The following ANKRD13D variants were observed in gnomAD, a reference collection of about 807,000 sequenced individuals.
The protein encoded by ANKRD13D is ankyrin repeat domain-containing protein 13D.
ANKRD13D carries 24 observed loss-of-function variants against 68.8 expected under a neutral mutation model. That is an observed-to-expected ratio of 0.35 (90% CI 0.25 to 0.49). The LOEUF (loss-of-function observed/expected upper bound fraction) is 0.49. Ranked by LOEUF, ANKRD13D falls within the 20% of genes least tolerant of loss-of-function variation. The pLI is 0.99. For synonymous variants in ANKRD13D, 331 were observed against 336.1 expected, an observed-to-expected ratio of 0.98 and a Z score of 0.16; for missense variants, 735 against 832.1, an observed-to-expected ratio of 0.88 and a Z score of 1.44.
At chr11:67,293,526 G>A (rs1298299921) in intron 6 of ANKRD13D, among the ~76,000 whole-genome samples, 4 of 152,092 alleles carry the variant, frequency 2.6e-5, no homozygotes, top group African/African-American at 4.8e-5. Flanking sequence ...ATTTTGAGAT[G>A]GGGTCTGGCC....
chr11:67,301,419 G>C lies in ANKRD13D; in HGVS notation c.1348+21G>C, dbSNP rs759389256. The C allele has an allele frequency of 6.2e-7, 1 of 1,608,802 alleles. No individual in the cohort carries two copies. The highest frequency in any genetic ancestry group is 1.7e-5 in the Admixed American group (1 of 59,462). ...ATCAGGTACCCCAACGGGAGGAAGAGGGAGCCTGCACAGCTTTCTGGTCAC... is the reference window on the plus strand; with the variant it reads ...ATCAGGTACCCCAACGGGAGGAAGACGGAGCCTGCACAGCTTTCTGGTCAC... On this transcript the variant is annotated intron_variant, in intron 12 of 14. Coordinates refer to ENST00000511455, the MANE Select transcript of ANKRD13D (RefSeq NM_207354.3). This position sits in a 1 kb window ranked among gnomAD's most constrained non-coding sequence, Gnocchi z 4.5.
intron 6 of ANKRD13D, among the ~76,000 whole-genome samples, chr11:67,294,914 T>C (rs1590868378): frequency 6.6e-6 from 1 of 152,390 alleles, no homozygotes; most frequent in South Asian, 2.1e-4. Flanking sequence ...TTGATTTCTG[T>C]ATGTTGACCA....
chr11:67,291,274 C>G, intron 3 of ANKRD13D: 1 of 586,598 alleles, frequency 1.7e-6, no homozygotes, highest in Non-Finnish European at 2.9e-6. Flanking sequence ...GAAGAATCAC[C>G]TGAGCCCAGG....
rs373530432 is a variant in ANKRD13D, at chr11:67,291,436, A to G, written c.352-40A>G. 4.4e-6 allele frequency: 7 copies of G among 1,606,162 alleles called. No individual in the cohort carries two copies. The South Asian group carries it at 4.4e-5, about 10-fold the overall frequency. ...GGCTCCCAGGCCTGCTGGAGCCAGCAGCAGGCAGGGCGCTGACAAGCAGCT... is the reference window on the plus strand; with the variant it reads ...GGCTCCCAGGCCTGCTGGAGCCAGCGGCAGGCAGGGCGCTGACAAGCAGCT... On this transcript the variant is annotated intron_variant, in intron 3 of 14. Coordinates refer to ENST00000511455, the MANE Select transcript of ANKRD13D (RefSeq NM_207354.3).
chr11:67,302,374 C>G lies in ANKRD13D; in HGVS notation c.*42C>G, dbSNP rs557316920. On this transcript the variant is annotated 3_prime_UTR_variant, in exon 15 of 15. Transcript: ENST00000511455. ...GGCTGGCCAGGCCACTCCCTGCCCG[C>G]TTTTGTAATTTATTTATTTATAAAC... 3.5e-6 allele frequency: 5 copies of G among 1,447,896 alleles called. No homozygotes were observed. The South Asian group carries it at 5.8e-5, about 17-fold the overall frequency. The allele number at this position is 1,447,896 out of a possible 1,614,324, so 89.7% of individuals were successfully genotyped here.
At chr11:67,298,843 T>C in intron 6 of ANKRD13D, 1 of 586,620 alleles carries the variant, frequency 1.7e-6, no homozygotes, top group Non-Finnish European at 3.1e-6. Context: ...ACAAGATTCA[T>C]GCTAATTCCT....
intron 6 of ANKRD13D, among the ~76,000 whole-genome samples, chr11:67,293,634 G>C (rs529296943): frequency 1.3e-5 from 2 of 152,152 alleles, no homozygotes. Flanking sequence ...ACAGGTGCAT[G>C]CTGCCATGCC....
At chr11:67,289,903 C>G in intron 1 of ANKRD13D, 175 bp from the exon 2 acceptor site, 4 of 1,438,004 alleles carry the variant, frequency 2.8e-6, no homozygotes, top group Non-Finnish European at 3.6e-6. Flanking sequence ...CTGCCCCTGC[C>G]TTCCCTCCTG....
At position 67,300,239 on chromosome 11, in the gene ANKRD13D, A is replaced by C; in HGVS notation, c.1073+116A>C. Reference sequence around the variant, plus strand: ...CTCGGCTGGCTTCTCTCTGGACTCCACTCCTGGAGGGCAGGAGTCATGTCT... The same window carrying C: ...CTCGGCTGGCTTCTCTCTGGACTCCCCTCCTGGAGGGCAGGAGTCATGTCT... On this transcript the variant is annotated intron_variant, in intron 10 of 14. Transcript: ENST00000511455. The surrounding 1 kb of genome is among the most constrained non-coding windows in gnomAD (Gnocchi z 4.3). The C allele has an allele frequency of 7.0e-7, 1 of 1,433,274 alleles. No homozygotes were observed. The highest frequency in any genetic ancestry group is 9.5e-7 in the Non-Finnish European group (1 of 1,054,898). 88.8% of individuals were successfully genotyped at this position (1,433,274 alleles called of 1,614,324 possible). A position where few individuals can be genotyped will look rare whatever the true frequency, so the allele number is the denominator to read the frequency against.
chr11:67,302,200 A>G lies in ANKRD13D; in HGVS notation c.1686A>G (p.Pro562=), dbSNP rs1343987383. 3.1e-6 allele frequency: 5 copies of G among 1,590,882 alleles called. No homozygotes were observed. In the East Asian group the frequency reaches 1.1e-4, roughly 36 times the overall value. ...CCAGGACACCCCCAGCCCCCGGTCCACCCAGCTTTGAAGAGCAGCTGCGCC... is the reference window on the plus strand; with the variant it reads ...CCAGGACACCCCCAGCCCCCGGTCCGCCCAGCTTTGAAGAGCAGCTGCGCC... ...SPPRTPPAPG[P]PSFEEQLRLA... is the part of the protein sequence containing the mutation. Residue 562 remains proline (P), a synonymous_variant, in exon 15 of 15, where the codon CCA becomes CCG. Transcript: ENST00000511455.
chr11:67,294,579 T>TC (rs1402615575), intron 6 of ANKRD13D, among the ~76,000 whole-genome samples: 1 of 151,738 alleles, frequency 6.6e-6, no homozygotes, highest in African/African-American at 2.4e-5. Context: ...CTCACTCTAT[T>TC]GCCCAGGCTG....
chr11:67,301,262 G>C lies in ANKRD13D; in HGVS notation c.1232-20G>C, dbSNP rs1322287409. ...CAGGTGGCTCTCCGCCAGGGCTCAG[G>C]CGTGGCTGTCTTCTCACAGAGATTC... is the stretch of plus-strand genomic sequence containing the variant. On this transcript the variant is annotated intron_variant, in intron 11 of 14. Coordinates refer to ENST00000511455, the MANE Select transcript of ANKRD13D (RefSeq NM_207354.3). This position sits in a 1 kb window ranked among gnomAD's most constrained non-coding sequence, Gnocchi z 4.5. 1.2e-6 allele frequency: 2 copies of C among 1,604,940 alleles called. No individual in the cohort carries two copies. The highest frequency in any genetic ancestry group is 1.1e-5 in the South Asian group (1 of 89,436).
At position 67,300,179 on chromosome 11, in the gene ANKRD13D, C is replaced by T; in HGVS notation, c.1073+56C>T. On this transcript the variant is annotated intron_variant, in intron 10 of 14. Coordinates refer to ENST00000511455, the MANE Select transcript of ANKRD13D (RefSeq NM_207354.3). The surrounding 1 kb of genome is among the most constrained non-coding windows in gnomAD (Gnocchi z 4.3). ...CTCGGGACAAGGGCTCTTGCAGACC[C>T]CTCTCTGGGCCTGTCATAGTTAGGG... 3.7e-6 allele frequency: 6 copies of T among 1,603,488 alleles called. No homozygotes were observed. Among genetic ancestry groups the T allele is most frequent in the Non-Finnish European group, 5.1e-6 (6 of 1,173,980 alleles).
In ANKRD13D at chr11:67,299,516, C is replaced by A; in HGVS notation, c.799-14C>A. ...GCTCTGAGCCCCCAGCTCCCCGTGT[C>A]CCCTGCTCCCCAGGTGTACAGTGCC... On this transcript the variant is annotated splice_polypyrimidine_tract_variant and intron_variant, in intron 7 of 14. Coordinates refer to ENST00000511455, the MANE Select transcript of ANKRD13D (RefSeq NM_207354.3). This position sits in a 1 kb window ranked among gnomAD's most constrained non-coding sequence, Gnocchi z 6.2. The A allele has an allele frequency of 6.5e-7, 1 of 1,549,268 alleles. No homozygotes were observed. Among genetic ancestry groups the A allele is most frequent in the Non-Finnish European group, 8.7e-7 (1 of 1,145,882 alleles).
chr11:67,291,421 C>T, intron 3 of ANKRD13D, 55 bp from the exon 4 acceptor site: 2 of 1,597,228 alleles, frequency 1.3e-6, no homozygotes, highest in Non-Finnish European at 8.6e-7. Flanking sequence ...GGCTCCCAGG[C>T]CTGCTGGAGC....
Position 67,302,419 on chromosome 11 carries a change from G to GGCCTGGA in ANKRD13D, c.*91_*97dup. Reference sequence around the variant, plus strand: ...ATAAACTCTCTGCTGCTGAGCTTGGGGCCTGGAGCCCCAGGAATGAGCAGG... The same window carrying GGCCTGGA: ...ATAAACTCTCTGCTGCTGAGCTTGGGGCCTGGAGCCTGGAGCCCCAGGAATGAGCAGG... On this transcript the variant is annotated 3_prime_UTR_variant, in exon 15 of 15. Coordinates refer to ENST00000511455, the MANE Select transcript of ANKRD13D (RefSeq NM_207354.3). 7.0e-7 allele frequency: 1 copy of GGCCTGGA among 1,429,850 alleles called. No individual in the cohort carries two copies. Among genetic ancestry groups the GGCCTGGA allele is most frequent in the Admixed American group, 2.9e-5 (1 of 34,902 alleles). The allele number at this position is 1,429,850 out of a possible 1,614,324, so 88.6% of individuals were successfully genotyped here. A position where few individuals can be genotyped will look rare whatever the true frequency, so the allele number is the denominator to read the frequency against.
At chr11:67,302,015 C>T (rs1410955421) in intron 14 of ANKRD13D, 104 bp from the exon 15 acceptor site, 2 of 1,407,406 alleles carry the variant, frequency 1.4e-6, no homozygotes, top group East Asian at 2.5e-5. Flanking sequence ...GCTTGCCACC[C>T]TGTCTTTGCC....
chr11:67,299,209 C>T lies in ANKRD13D; in HGVS notation c.798+85C>T. ...CTCTCCACATCCATCCCAGAGTAGCCCCTGGGCTCTGGAAACCCTGAGCAT... is the reference window on the plus strand; with the variant it reads ...CTCTCCACATCCATCCCAGAGTAGCTCCTGGGCTCTGGAAACCCTGAGCAT... On this transcript the variant is annotated intron_variant, in intron 7 of 14. Transcript: ENST00000511455. The surrounding 1 kb of genome is among the most constrained non-coding windows in gnomAD (Gnocchi z 6.2). 6.6e-7 allele frequency: 1 copy of T among 1,523,784 alleles called. No individual in the cohort carries two copies. Among genetic ancestry groups the T allele is most frequent in the Non-Finnish European group, 9.0e-7 (1 of 1,105,528 alleles). 94.4% of individuals were successfully genotyped at this position (1,523,784 alleles called of 1,614,324 possible). A position where few individuals can be genotyped will look rare whatever the true frequency, so the allele number is the denominator to read the frequency against.
intron 3 of ANKRD13D, 194 bp downstream of exon 3, chr11:67,290,640 C>CT: frequency 1.2e-6 from 1 of 860,518 alleles, no homozygotes; most frequent in South Asian, 2.1e-5. Context: ...GTGGGAGAGA[C>CT]TGGACCCTTT....
Sources: gnomAD v4.1 joint callset for allele counts (sites outside exome capture counted in the v4.1 genomes callset) on GRCh38, gnomAD v4.1.1 for gene constraint, Gnocchi (gnomAD v3.1) non-coding constraint, MANE v1.5 for transcripts, NCBI Gene and HGNC (gene_info 2026-07-23, HGNC 2026-07-21) for gene names.